The following ASTN2 variants were observed in gnomAD, a reference collection of about 807,000 sequenced individuals.
ASTN2 encodes the protein astrotactin-2.
ASTN2 carries 54 observed loss-of-function variants against 139.8 expected under a neutral mutation model. The observed-to-expected ratio is 0.39, with a 90% CI of 0.31 to 0.48. The LOEUF (loss-of-function observed/expected upper bound fraction) is 0.48. Ranked by LOEUF, ASTN2 falls within the 20% of genes least tolerant of loss-of-function variation. The pLI, the probability that ASTN2 is intolerant of heterozygous loss-of-function variation, is 0.95. For missense variants in ASTN2, 1,565 were observed against 1,725.1 expected (o/e 0.91, Z 1.64); for synonymous variants, 756 against 719.5 (o/e 1.05, Z -0.81).
chr9:117,355,675 A>G (rs1829520883), intron 1 of ASTN2, among the ~76,000 whole-genome samples: 1 of 152,150 alleles, frequency 6.6e-6, no homozygotes, highest in African/African-American at 2.4e-5. Flanking sequence ...CTCTGATTAC[A>G]ATCTGAGGAG....
chr9:117,289,470 C>T lies in ASTN2; in HGVS notation c.630+1856G>A, dbSNP rs554757047. Among the ~76,000 whole-genome samples, 7 of 152,172 alleles carry T rather than the reference C, an allele frequency of 4.6e-5. No homozygotes were observed. The South Asian group carries it at 1.5e-3, about 32-fold the overall frequency. Reference sequence around the variant, plus strand: ...TGATTCAGTGAAACTAACACTGGACCTGGAAGCAAAAAAGACACATTGGAG... The same window carrying T: ...TGATTCAGTGAAACTAACACTGGACTTGGAAGCAAAAAAGACACATTGGAG... On this transcript the variant is annotated intron_variant, in intron 2 of 22. Transcript: ENST00000313400.
At chr9:116,983,900 C>A (rs1193186885) in intron 7 of ASTN2, among the ~76,000 whole-genome samples, 1 of 152,136 alleles carries the variant, frequency 6.6e-6, no homozygotes, top group Non-Finnish European at 1.5e-5. Flanking sequence ...GCAGCTGAGT[C>A]CTGGCTAGAT....
intron 1 of ASTN2, among the ~76,000 whole-genome samples, chr9:117,333,492 C>T (rs777178003): frequency 2.0e-4 from 30 of 152,054 alleles, no homozygotes; most frequent in Non-Finnish European, 3.1e-4. Context: ...AAACTGCCTC[C>T]AAAACACCAT....
intron 17 of ASTN2, among the ~76,000 whole-genome samples, chr9:116,649,973 A>T (rs1857817956): frequency 6.6e-6 from 1 of 152,136 alleles, no homozygotes. Context: ...TTTCTTCCTT[A>T]GGTCATCTAC....
chr9:116,749,011 T>C (rs1829327772), intron 13 of ASTN2, among the ~76,000 whole-genome samples: 1 of 152,166 alleles, frequency 6.6e-6, no homozygotes, highest in South Asian at 2.1e-4. Context: ...GTCACACACC[T>C]GGATTTGCAT....
chr9:117,347,094 C>T (rs1431365860), intron 1 of ASTN2, among the ~76,000 whole-genome samples: 3 of 151,874 alleles, frequency 2.0e-5, no homozygotes, highest in African/African-American at 4.8e-5. Flanking sequence ...TGGCACTGGC[C>T]GACATCCAAG....
intron 7 of ASTN2, among the ~76,000 whole-genome samples, chr9:116,996,082 CCTTGAACTCAAGTTCA>C (rs1361779278): frequency 6.6e-6 from 1 of 152,102 alleles, no homozygotes; most frequent in Non-Finnish European, 1.5e-5. Context: ...GATCCTCCCA[CCTTGAACTCAAGTTCA>C]CTTGATCTCA....
At chr9:116,865,664 C>A (rs1832996722) in intron 10 of ASTN2, among the ~76,000 whole-genome samples, 1 of 151,984 alleles carries the variant, frequency 6.6e-6, no homozygotes, top group African/African-American at 2.4e-5. Flanking sequence ...CTAGGATAAA[C>A]CAGTTCCCTG....
chr9:117,295,749 T>TAA (rs79650381), intron 1 of ASTN2, among the ~76,000 whole-genome samples: 1 of 145,018 alleles, frequency 6.9e-6, no homozygotes, highest in African/African-American at 2.6e-5. Flanking sequence ...ATCAGAGAAT[T>TAA]AAAAAAAAAA....
intron 10 of ASTN2, among the ~76,000 whole-genome samples, chr9:116,969,532 T>C (rs1012367368): frequency 2.0e-5 from 3 of 151,786 alleles, no homozygotes; most frequent in South Asian, 2.1e-4. Flanking sequence ...TCAGTGAGAG[T>C]GTGCCTGAAA....
At chr9:116,710,509 A>C (rs1362441610) in intron 16 of ASTN2, among the ~76,000 whole-genome samples, 1 of 66,012 alleles carries the variant, frequency 1.5e-5, no homozygotes, top group Non-Finnish European at 2.7e-5. Context: ...GGAGGGGGGA[A>C]TCACCTGAGG....
chr9:117,395,242 G>A (rs936001203), intron 1 of ASTN2, among the ~76,000 whole-genome samples: 13 of 152,016 alleles, frequency 8.6e-5, no homozygotes, highest in Admixed American at 3.3e-4. Context: ...CCCAAATGCC[G>A]CCCCCACTGT....
chr9:117,204,834 A>G (rs1831861468), intron 3 of ASTN2, among the ~76,000 whole-genome samples: 1 of 152,262 alleles, frequency 6.6e-6, no homozygotes, highest in Admixed American at 6.5e-5. Flanking sequence ...TTATGCTGCA[A>G]AAGCCAAAAC....
At chr9:116,588,392 G>A (rs1329245070) in intron 19 of ASTN2, among the ~76,000 whole-genome samples, 3 of 152,272 alleles carry the variant, frequency 2.0e-5, no homozygotes, top group East Asian at 1.9e-4. Context: ...CCTGGGAACC[G>A]ATAGTCTGTT....
chr9:116,629,140 C>T (rs548553984), intron 17 of ASTN2, among the ~76,000 whole-genome samples: 8 of 113,768 alleles, frequency 7.0e-5, no homozygotes, highest in Admixed American at 2.3e-4. Flanking sequence ...TTTTTTGAGA[C>T]GGAGTCTCGC....
At chr9:117,098,936 C>A (rs989967888) in intron 4 of ASTN2, among the ~76,000 whole-genome samples, 3 of 151,780 alleles carry the variant, frequency 2.0e-5, no homozygotes, top group Non-Finnish European at 4.4e-5. Flanking sequence ...GGTGAAACCC[C>A]GTCTCTACTA....
rs574155381 is a variant in ASTN2 at position 116,991,980 on chromosome 9, C to T, written c.1592-15195G>A. Reference sequence around the variant, plus strand: ...ATGCCCCAGATCCTCTGCACTGAAACACTTATTTATATGAATGAGCGTACC... The same window carrying T: ...ATGCCCCAGATCCTCTGCACTGAAATACTTATTTATATGAATGAGCGTACC... On this transcript the variant is annotated intron_variant, in intron 7 of 22. Coordinates refer to ENST00000313400, the MANE Select transcript of ASTN2 (RefSeq NM_001365068.1). Among the ~76,000 whole-genome samples, 7 of 152,274 alleles carry T rather than the reference C, an allele frequency of 4.6e-5. No homozygotes were observed. In the East Asian group the frequency reaches 1.4e-3, roughly 29 times the overall value.
intron 10 of ASTN2, among the ~76,000 whole-genome samples, chr9:116,946,185 G>T (rs142439474): frequency 2.2e-4 from 34 of 152,210 alleles, no homozygotes; most frequent in Non-Finnish European, 4.3e-4. Context: ...ATGAGATTTG[G>T]GTGAGGACAC....
chr9:116,561,108 G>C (rs934986600), intron 19 of ASTN2, among the ~76,000 whole-genome samples: 1 of 152,072 alleles, frequency 6.6e-6, no homozygotes, highest in African/African-American at 2.4e-5. Flanking sequence ...TTAAGAGAGA[G>C]AGAGTGTGTC....
Sources: gnomAD v4.1 joint callset for allele counts (sites outside exome capture counted in the v4.1 genomes callset) on GRCh38, gnomAD v4.1.1 for gene constraint, MANE v1.5 for transcripts, NCBI Gene and HGNC (gene_info 2026-07-23, HGNC 2026-07-21) for gene names.